MYO1E: variants seen among roughly 807,000 people sequenced by gnomAD.
MYO1E encodes myosin IE.
A neutral mutation model predicts 151.1 loss-of-function variants in MYO1E; 68 were observed. The ratio of observed to expected loss-of-function variants is 0.45; its 90% CI spans 0.37 to 0.55. MYO1E has a LOEUF of 0.55. Ranked by LOEUF, MYO1E falls within the 20% of genes least tolerant of loss-of-function variation. The pLI, the probability that MYO1E is intolerant of heterozygous loss-of-function variation, is 0.00. For synonymous variants in MYO1E, 601 were observed against 501.7 expected, an observed-to-expected ratio of 1.20 and a Z score of -2.64; for missense variants, 1,363 against 1,389.3, an observed-to-expected ratio of 0.98 and a Z score of 0.30.
intron 5 of MYO1E, among the ~76,000 whole-genome samples, chr15:59,234,980 C>A (rs1047273287): frequency 1.3e-5 from 2 of 152,108 alleles, no homozygotes; most frequent in African/African-American, 4.8e-5. Flanking sequence ...TGGTGATGAG[C>A]GCCAAGCTTG....
chr15:59,145,290 C>T (rs1350232439), intron 26 of MYO1E, among the ~76,000 whole-genome samples: 5 of 152,192 alleles, frequency 3.3e-5, no homozygotes, highest in African/African-American at 1.2e-4. Flanking sequence ...CCCGCATGCC[C>T]ACTGTGCCAG....
chr15:59,318,188 T>C (rs1362283351), intron 1 of MYO1E, among the ~76,000 whole-genome samples: 2 of 152,230 alleles, frequency 1.3e-5, no homozygotes, highest in Non-Finnish European at 2.9e-5. Context: ...TGAATGCCTC[T>C]GGTATACCCA....
rs528760989 is a variant in MYO1E, at chr15:59,151,043, A to G, written c.3080+2547T>C. 7.4e-3 allele frequency among the ~76,000 whole-genome samples: 650 copies of G among 88,026 alleles called. 3 individuals are homozygous for G. Among genetic ancestry groups the G allele is most frequent in the Non-Finnish European group, 0.011 (520 of 46,408 alleles). 57.7% of individuals were successfully genotyped at this position (88,026 alleles called of 152,430 possible). On this transcript the variant is annotated intron_variant, in intron 26 of 27. Coordinates refer to ENST00000288235, the MANE Select transcript of MYO1E (RefSeq NM_004998.4). ...CACACACACACACACACACACACAC[A>G]CACACACGCGCGCGCGCGCACGTGC...
chr15:59,261,343 T>G, intron 3 of MYO1E, 77 bp downstream of exon 3: 1 of 1,036,838 alleles, frequency 9.6e-7, no homozygotes, highest in Non-Finnish European at 1.5e-6. Context: ...GCAAAAGTAC[T>G]GCTAACTTCA....
rs757291076 is a variant in MYO1E at position 59,136,124 on chromosome 15, A to G, written c.*1256T>C. ...ATGGCTGTCTTCTCCCTGCCTTTTC[A>G]CATGGTCTTTCCTCTGGCATGTTGG... On this transcript the variant is annotated 3_prime_UTR_variant, in exon 28 of 28. Transcript: ENST00000288235. 6.6e-6 allele frequency: 1 copy of G among 152,488 alleles called. No homozygotes were observed. Among genetic ancestry groups the G allele is most frequent in the East Asian group, 1.9e-4 (1 of 5,200 alleles). 9.4% of individuals were successfully genotyped at this position (152,488 alleles called of 1,614,324 possible). A position where few individuals can be genotyped will look rare whatever the true frequency, so the allele number is the denominator to read the frequency against.
intron 1 of MYO1E, among the ~76,000 whole-genome samples, chr15:59,280,454 G>A (rs967980241): frequency 3.3e-5 from 5 of 152,008 alleles, no homozygotes; most frequent in African/African-American, 9.6e-5. Flanking sequence ...GTGAAACCCC[G>A]TCCCTGCTAA....
rs1482150478 is a variant in MYO1E at position 59,135,941 on chromosome 15, C to T, written c.*1439G>A. ...AAAACATTGTTTTAGTTTGTTAGGG[C>T]TGCCGTAACAAACTACCACAAACCG... On this transcript the variant is annotated 3_prime_UTR_variant, in exon 28 of 28. Transcript: ENST00000288235. The T allele has an allele frequency of 2.6e-5, 4 of 152,220 alleles. No individual in the cohort carries two copies. The highest frequency in any genetic ancestry group is 4.8e-5 in the African/African-American group (2 of 41,452). The allele number at this position is 152,220 out of a possible 1,614,324, so 9.4% of individuals were successfully genotyped here.
chr15:59,291,436 G>A (rs1180735581), intron 1 of MYO1E, among the ~76,000 whole-genome samples: 2 of 152,178 alleles, frequency 1.3e-5, no homozygotes, highest in African/African-American at 2.4e-5. Context: ...TTGGAGGCTG[G>A]TGTGTTTAAG....
chr15:59,312,780 G>T (rs571579085), intron 1 of MYO1E, among the ~76,000 whole-genome samples: 1 of 152,226 alleles, frequency 6.6e-6, no homozygotes, highest in East Asian at 1.9e-4. Flanking sequence ...CAGCACTTTG[G>T]GAAGCCGAGG....
At chr15:59,262,469 A>T (rs147130157) in intron 2 of MYO1E, among the ~76,000 whole-genome samples, 1,581 of 151,990 alleles carry the variant, frequency 0.01, 31 homozygotes, top group African/African-American at 0.036. Flanking sequence ...CAAAAACAAA[A>T]ACAAAAACAT....
chr15:59,151,057 G>GCA (rs1371889458), intron 26 of MYO1E, among the ~76,000 whole-genome samples: 4 of 148,948 alleles, frequency 2.7e-5, no homozygotes, highest in East Asian at 2.0e-4. Flanking sequence ...ACACGCGCGC[G>GCA]CGCGCACGTG....
intron 18 of MYO1E, among the ~76,000 whole-genome samples, chr15:59,184,920 T>C (rs531190888): frequency 1.3e-4 from 20 of 152,308 alleles, no homozygotes; most frequent in African/African-American, 4.8e-4. Context: ...CATACGATGG[T>C]TCCCTTTCTC....
intron 20 of MYO1E, 33 bp downstream of exon 20, chr15:59,174,093 A>G (rs2140317375): frequency 6.3e-7 from 1 of 1,577,488 alleles, no homozygotes; most frequent in Non-Finnish European, 8.7e-7. Flanking sequence ...CTTCAGATTT[A>G]TTAAAATCAA....
In MYO1E at chr15:59,301,331, TACTATAGCA is replaced by T. The variant is rs547762179; in HGVS notation, c.4-28891_4-28883del. On this transcript the variant is annotated intron_variant, in intron 1 of 27. Coordinates refer to ENST00000288235, the MANE Select transcript of MYO1E (RefSeq NM_004998.4). ...AAAAATAGATTAATTCTCCCATTTATACTATAGCAACTTGTAGTCAACAAAATTTCCCTT... is the reference window on the plus strand; with the variant it reads ...AAAAATAGATTAATTCTCCCATTTATACTTGTAGTCAACAAAATTTCCCTT... Among the ~76,000 whole-genome samples, 547 of 152,362 alleles carry T rather than the reference TACTATAGCA, an allele frequency of 3.6e-3. 2 individuals are homozygous for T. The highest frequency in any genetic ancestry group is 6.8e-3 in the Middle Eastern group (2 of 294).
In MYO1E at chr15:59,174,112, A is replaced by G; in HGVS notation, c.2164+14T>C. The G allele has an allele frequency of 6.2e-7, 1 of 1,602,802 alleles. No individual in the cohort carries two copies. The highest frequency in any genetic ancestry group is 8.5e-7 in the Non-Finnish European group (1 of 1,169,766). On this transcript the variant is annotated intron_variant, in intron 20 of 27. Coordinates refer to ENST00000288235, the MANE Select transcript of MYO1E (RefSeq NM_004998.4). ...AGATTTATTAAAATCAATGAAACAA[A>G]ATTGCTAAAATACCTTCTTCTCTCA...
rs1362783844 is a variant in MYO1E, at chr15:59,214,630, C to T, written c.1188+10G>A. 1.3e-6 allele frequency: 2 copies of T among 1,597,158 alleles called. No homozygotes were observed. The highest frequency in any genetic ancestry group is 2.2e-5 in the South Asian group (2 of 90,674). On this transcript the variant is annotated intron_variant, in intron 11 of 27. Transcript: ENST00000288235. ...CCTCCTCAACCCCTAGTTATTAAAA[C>T]TGGCCTTACCTGGAATATTTCAAAG...
At chr15:59,261,164 G>A (rs748635616) in intron 3 of MYO1E, among the ~76,000 whole-genome samples, 5 of 151,554 alleles carry the variant, frequency 3.3e-5, no homozygotes, top group Non-Finnish European at 7.4e-5. Flanking sequence ...AGTGAGCGGA[G>A]ATCATGCCCA....
At chr15:59,191,360 GAGAGAGAGAA>G (rs1243420896) in intron 17 of MYO1E, among the ~76,000 whole-genome samples, 10 of 150,532 alleles carry the variant, frequency 6.6e-5, no homozygotes, top group South Asian at 2.1e-4. Context: ...GAGAGAGAGA[GAGAGAGAGAA>G]AGAAATGTCA....
At chr15:59,243,106 T>TTTC (rs2080109768) in intron 4 of MYO1E, among the ~76,000 whole-genome samples, 1 of 150,910 alleles carries the variant, frequency 6.6e-6, no homozygotes. Context: ...CTGCTTTTTT[T>TTTC]TTTTTTTTTC....
Sources: allele counts gnomAD v4.1 joint callset (sites outside exome capture counted in the v4.1 genomes callset), GRCh38; gene constraint gnomAD v4.1.1; transcripts MANE v1.5; gene names NCBI Gene and HGNC (gene_info 2026-07-23, HGNC 2026-07-21).